KCNH8: variants seen among roughly 807,000 people sequenced by gnomAD.
KCNH8 encodes potassium voltage-gated channel subfamily H member 8.
KCNH8 carries 70 observed loss-of-function variants against 103.6 expected under a neutral mutation model. That is an observed-to-expected ratio of 0.68 (90% CI 0.56 to 0.82). The LOEUF (loss-of-function observed/expected upper bound fraction) is 0.82. Among genes scored for constraint, KCNH8 ranks in the 40% least tolerant of loss-of-function variants. The probability of loss-of-function intolerance (pLI) is 0.00; values close to 1 mark genes in which losing one functional copy is unlikely to be tolerated. For synonymous variants in KCNH8, 498 were observed against 489.4 expected (o/e 1.02, Z -0.23); for missense variants, 1,217 against 1,329.9 (o/e 0.92, Z 1.32).
At chr3:19,284,508 G>GGT (rs66509260) in intron 3 of KCNH8, among the ~76,000 whole-genome samples, 53,234 of 136,244 alleles carry the variant, frequency 0.39, 10,979 homozygotes, top group Non-Finnish European at 0.5. Context: ...TGGATCTGCT[G>GGT]GTGTGTGTGT....
At chr3:19,172,301 A>G (rs1414644183) in intron 1 of KCNH8, among the ~76,000 whole-genome samples, 1 of 152,102 alleles carries the variant, frequency 6.6e-6, no homozygotes, top group African/African-American at 2.4e-5. Context: ...TTTTACTTAT[A>G]TACTTCTCTT....
At chr3:19,299,691 A>G (rs999803978) in intron 3 of KCNH8, among the ~76,000 whole-genome samples, 2 of 152,052 alleles carry the variant, frequency 1.3e-5, no homozygotes, top group African/African-American at 4.8e-5. Flanking sequence ...TTTTAATGTG[A>G]CTATGTATGT....
At chr3:19,250,276 A>C (rs1468077623) in intron 1 of KCNH8, among the ~76,000 whole-genome samples, 3 of 152,238 alleles carry the variant, frequency 2.0e-5, no homozygotes, top group South Asian at 2.1e-4. Flanking sequence ...GAAAAGACAA[A>C]ATGACAAAAC....
intron 3 of KCNH8, 43 bp from the exon 4 acceptor site, chr3:19,342,544 A>G (rs765366572): frequency 5.7e-6 from 9 of 1,576,534 alleles, no homozygotes; most frequent in African/African-American, 2.7e-5. Context: ...TTGAGGTGAA[A>G]TGATGCATGC....
intron 3 of KCNH8, among the ~76,000 whole-genome samples, chr3:19,293,701 T>A (rs923755257): frequency 6.6e-6 from 1 of 152,242 alleles, no homozygotes; most frequent in African/African-American, 2.4e-5. Context: ...GAAACAACAT[T>A]ACTAAAAAGT....
At chr3:19,256,887 G>A (rs1295884518) in intron 2 of KCNH8, among the ~76,000 whole-genome samples, 3 of 152,020 alleles carry the variant, frequency 2.0e-5, no homozygotes, top group Non-Finnish European at 4.4e-5. Context: ...ACTGAAAATT[G>A]CCATCTACCT....
At position 19,404,436 on chromosome 3, in the gene KCNH8, A is replaced by C. The variant is rs540276067; in HGVS notation, c.1177+9125A>C. Among the ~76,000 whole-genome samples the C allele has an allele frequency of 5.9e-5, 9 of 152,072 alleles. No individual in the cohort carries two copies. In the South Asian group the frequency reaches 1.9e-3, roughly 31 times the overall value. On this transcript the variant is annotated intron_variant, in intron 7 of 15. Coordinates refer to ENST00000328405, the MANE Select transcript of KCNH8 (RefSeq NM_144633.3). ...TTTTCTCCAAGGAGTCTTTGTTTTA[A>C]GGTGATAGTTTGCTGACCATTCATT...
intron 1 of KCNH8, among the ~76,000 whole-genome samples, chr3:19,214,099 A>G (rs1407173498): frequency 6.6e-6 from 1 of 152,132 alleles, no homozygotes; most frequent in Non-Finnish European, 1.5e-5. Flanking sequence ...GTGATGGCCT[A>G]TTGCTGGCCC....
chr3:19,239,373 G>A (rs1277966841), intron 1 of KCNH8, among the ~76,000 whole-genome samples: 1 of 152,090 alleles, frequency 6.6e-6, no homozygotes, highest in Non-Finnish European at 1.5e-5. Context: ...GAGCATAATG[G>A]CCCGGATGGT....
At chr3:19,475,653 T>C (rs1369409290) in intron 11 of KCNH8, among the ~76,000 whole-genome samples, 1 of 152,160 alleles carries the variant, frequency 6.6e-6, no homozygotes, top group African/African-American at 2.4e-5. Flanking sequence ...TGTAAATAAC[T>C]GGAGAATAAT....
chr3:19,342,627 C>G lies in KCNH8; in HGVS notation c.483C>G (p.Asp161Glu). The change falls in exon 4 of 16, where the codon GAC becomes GAG. Residue 161 changes from aspartate (D) to glutamate (E), a missense_variant. Physicochemically the swap from Asp to Glu is conservative, Grantham distance 45. This residue lies in a region of KCNH8 where 244 missense variants were observed against 256.8 expected (regional missense o/e 0.95). Coordinates refer to ENST00000328405, the MANE Select transcript of KCNH8 (RefSeq NM_144633.3). ...KGRSRAGTHF[D>E]SARRRSRAVL... is the part of the protein sequence containing the mutation. ...GATCAAGAGCAGGGACCCACTTTGA[C>G]TCAGCCCGGAGACGGAGTCGAGCAG... 6.2e-7 allele frequency: 1 copy of G among 1,611,066 alleles called. No individual in the cohort carries two copies. The highest frequency in any genetic ancestry group is 8.5e-7 in the Non-Finnish European group (1 of 1,177,904).
rs779705216 is a variant in KCNH8, at chr3:19,534,655, G to T, written c.*556G>T. The T allele has an allele frequency of 6.6e-6, 1 of 152,504 alleles. No homozygotes were observed. Among genetic ancestry groups the T allele is most frequent in the East Asian group, 1.9e-4 (1 of 5,194 alleles). The allele number at this position is 152,504 out of a possible 1,614,324, so 9.4% of individuals were successfully genotyped here. A position where few individuals can be genotyped will look rare whatever the true frequency, so the allele number is the denominator to read the frequency against. Reference sequence around the variant, plus strand: ...CGTTATTTGCCATGTAAATGAAAACGTCTTTATTTATCAAAAAAACACAGA... The same window carrying T: ...CGTTATTTGCCATGTAAATGAAAACTTCTTTATTTATCAAAAAAACACAGA... On this transcript the variant is annotated 3_prime_UTR_variant, in exon 16 of 16. Transcript: ENST00000328405.
intron 3 of KCNH8, among the ~76,000 whole-genome samples, chr3:19,288,963 CATTTCTCTG>C (rs994290244): frequency 1.7e-4 from 26 of 152,230 alleles, no homozygotes; most frequent in African/African-American, 5.3e-4. Context: ...TTTTGATTTG[CATTTCTCTG>C]ATGGCCAGTG....
intron 7 of KCNH8, among the ~76,000 whole-genome samples, chr3:19,415,664 G>T (rs1192620612): frequency 6.6e-6 from 1 of 151,968 alleles, no homozygotes; most frequent in African/African-American, 2.4e-5. Flanking sequence ...CAGTCCAAAT[G>T]CTCGTGCATC....
At chr3:19,220,000 T>G (rs1353267250) in intron 1 of KCNH8, among the ~76,000 whole-genome samples, 1 of 152,214 alleles carries the variant, frequency 6.6e-6, no homozygotes, top group Non-Finnish European at 1.5e-5. Context: ...AGACGTTACA[T>G]CTACTTGCCT....
In KCNH8 at chr3:19,533,120, C is replaced by T. The variant is rs1432785019; in HGVS notation, c.2620-275C>T. On this transcript the variant is annotated intron_variant, in intron 15 of 15. Transcript: ENST00000328405. ...TCGGTAGGCTGAGGCAGGAGCATGG[C>T]GTGAACCTGGGAGGTGGAGCTTGCA... 4.0e-5 allele frequency among the ~76,000 whole-genome samples: 6 copies of T among 150,002 alleles called. No individual in the cohort carries two copies. The South Asian group carries it at 8.4e-4, about 21-fold the overall frequency.
At chr3:19,498,908 G>A (rs939991161) in intron 11 of KCNH8, among the ~76,000 whole-genome samples, 1 of 152,124 alleles carries the variant, frequency 6.6e-6, no homozygotes, top group African/African-American at 2.4e-5. Context: ...TCAGGGGTCA[G>A]GGACCCACTT....
At chr3:19,252,106 G>C (rs1327785780) in intron 1 of KCNH8, among the ~76,000 whole-genome samples, 1 of 151,978 alleles carries the variant, frequency 6.6e-6, no homozygotes, top group African/African-American at 2.4e-5. Flanking sequence ...TTCATTCATA[G>C]TGAACCTAAA....
intron 3 of KCNH8, among the ~76,000 whole-genome samples, chr3:19,316,692 G>A (rs1226706204): frequency 6.6e-6 from 1 of 151,920 alleles, no homozygotes; most frequent in African/African-American, 2.4e-5. Context: ...TTCAACCAGA[G>A]ATTGCATGCA....
Sources: allele counts gnomAD v4.1 joint callset (sites outside exome capture counted in the v4.1 genomes callset), GRCh38; gene constraint gnomAD v4.1.1; regional missense constraint gnomAD v4.1.1; transcripts MANE v1.5; gene names NCBI Gene and HGNC (gene_info 2026-07-23, HGNC 2026-07-21).